Variants in CSMD1 observed in about 807,000 individuals in gnomAD.
CSMD1 encodes the protein CUB and Sushi multiple domains 1, also known as CUB and sushi domain-containing protein 1.
Under a neutral mutation model 417.5 loss-of-function variants are expected in CSMD1, and 213 were observed. The observed-to-expected ratio is 0.51, with a 90% CI of 0.46 to 0.57. The LOEUF (loss-of-function observed/expected upper bound fraction) is 0.57. Among genes scored for constraint, CSMD1 ranks in the 20% least tolerant of loss-of-function variants. The pLI is 0.00. For missense variants in CSMD1, 6,923 were observed against 4,529.7 expected (o/e 1.53, Z -15.17); for synonymous variants, 2,862 against 1,736.8 (o/e 1.65, Z -16.11).
chr8:4,617,791 T>C (rs1216957555), intron 2 of CSMD1, among the ~76,000 whole-genome samples: 1 of 152,114 alleles, frequency 6.6e-6, no homozygotes, highest in Non-Finnish European at 1.5e-5. Flanking sequence ...ATTTGCTTGC[T>C]CATATGTTAA....
At position 4,990,457 on chromosome 8, in the gene CSMD1, G is replaced by A. The variant is rs555442663; in HGVS notation, c.85+3875C>T. Among the ~76,000 whole-genome samples, 5 of 151,998 alleles carry A rather than the reference G, an allele frequency of 3.3e-5. No individual in the cohort carries two copies. In the East Asian group the frequency reaches 9.7e-4, roughly 29 times the overall value. Reference sequence around the variant, plus strand: ...CAGCCTACTGCAACCTCCACCTCCCGGGTTCAAGAGATTCTCCTGCCTCAG... The same window carrying A: ...CAGCCTACTGCAACCTCCACCTCCCAGGTTCAAGAGATTCTCCTGCCTCAG... On this transcript the variant is annotated intron_variant, in intron 1 of 69. Transcript: ENST00000635120.
intron 3 of CSMD1, among the ~76,000 whole-genome samples, chr8:4,298,392 T>A (rs1436981839): frequency 6.6e-6 from 1 of 152,116 alleles, no homozygotes; most frequent in Non-Finnish European, 1.5e-5. Context: ...TTGCTTTGAA[T>A]CCAAGAATAC....
intron 2 of CSMD1, among the ~76,000 whole-genome samples, chr8:4,591,355 C>A (rs750261392): frequency 6.6e-6 from 1 of 152,122 alleles, no homozygotes; most frequent in Non-Finnish European, 1.5e-5. Context: ...CACAGACAAA[C>A]TAGTTGGGCC....
At chr8:3,113,710 A>G (rs1816678635) in intron 42 of CSMD1, among the ~76,000 whole-genome samples, 1 of 152,180 alleles carries the variant, frequency 6.6e-6, no homozygotes, top group African/African-American at 2.4e-5. Flanking sequence ...CACACACACA[A>G]AAGTTATGGG....
intron 3 of CSMD1, among the ~76,000 whole-genome samples, chr8:4,220,544 A>G (rs571597057): frequency 1.9e-4 from 29 of 152,236 alleles, no homozygotes; most frequent in Admixed American, 3.9e-4. Context: ...AGACATTACT[A>G]AACAATTTTA....
chr8:3,910,561 A>T (rs1808398897), intron 5 of CSMD1, among the ~76,000 whole-genome samples: 1 of 152,252 alleles, frequency 6.6e-6, no homozygotes, highest in South Asian at 2.1e-4. Context: ...TAACTTGAGC[A>T]GACAGTATTA....
chr8:3,050,624 T>A (rs777447009), intron 50 of CSMD1, among the ~76,000 whole-genome samples: 43 of 152,156 alleles, frequency 2.8e-4, no homozygotes, highest in Non-Finnish European at 5.3e-4. Flanking sequence ...ATTACTTAAT[T>A]GCAATAAAAT....
In CSMD1 at chr8:4,825,110, C is replaced by T. The variant is rs538514914; in HGVS notation, c.85+169222G>A. 1.4e-4 allele frequency among the ~76,000 whole-genome samples: 22 copies of T among 152,204 alleles called. 1 individual carries two copies. The South Asian group carries it at 4.1e-3, about 29-fold the overall frequency. On this transcript the variant is annotated intron_variant, in intron 1 of 69. Coordinates refer to ENST00000635120, the MANE Select transcript of CSMD1 (RefSeq NM_033225.6). ...CATACATTTATAACTTGATGAACAA[C>T]ACAAATCAAGGTAATTTTAGATTTC...
At chr8:4,040,832 G>C (rs960676545) in intron 3 of CSMD1, among the ~76,000 whole-genome samples, 5 of 152,052 alleles carry the variant, frequency 3.3e-5, no homozygotes, top group Non-Finnish European at 5.9e-5. Flanking sequence ...GACTTTAGCA[G>C]CTCCGGACAA....
Position 3,307,739 on chromosome 8 carries a change from G to T in CSMD1, c.3906C>A (p.Leu1302=). 3 of 1,613,752 alleles carry T rather than the reference G, an allele frequency of 1.9e-6. No homozygotes were observed. Among genetic ancestry groups the T allele is most frequent in the Non-Finnish European group, 2.5e-6 (3 of 1,179,718 alleles). The change falls in exon 25 of 70, where the codon CTC becomes CTA. Residue 1302 remains leucine, a synonymous_variant. Transcript: ENST00000635120. The stretch of plus-strand genomic sequence containing the variant: ...CTGCCTCTATAATCCAGGTGCAGTG[G>T]AGGTTGTTGTCATACGGAGCTGGAT... ...PGYPAPYDNN[L]HCTWIIEADP... is the part of the protein sequence containing the mutation.
chr8:2,988,290 A>G (rs868442381), intron 54 of CSMD1, among the ~76,000 whole-genome samples: 1 of 152,146 alleles, frequency 6.6e-6, no homozygotes, highest in Non-Finnish European at 1.5e-5. Context: ...GCTTATGTAC[A>G]TAAGCATATC....
intron 4 of CSMD1, among the ~76,000 whole-genome samples, chr8:3,999,809 G>C (rs796709404): frequency 6.6e-6 from 1 of 152,266 alleles, no homozygotes; most frequent in South Asian, 2.1e-4. Context: ...TGAGGGATGG[G>C]TGTTCTCATG....
chr8:4,858,033 G>A (rs558588607), intron 1 of CSMD1, among the ~76,000 whole-genome samples: 9 of 152,062 alleles, frequency 5.9e-5, no homozygotes, highest in Non-Finnish European at 1.3e-4. Flanking sequence ...CTGGCAAAAC[G>A]AATGCAGCAG....
chr8:3,835,433 G>T (rs7839103), intron 5 of CSMD1, among the ~76,000 whole-genome samples: 45,147 of 151,578 alleles, frequency 0.3, 6,948 homozygotes, highest in Non-Finnish European at 0.33. Context: ...ATGGATGAAA[G>T]TGGAAACCAT....
At chr8:3,327,061 G>C (rs1446461235) in intron 23 of CSMD1, among the ~76,000 whole-genome samples, 1 of 151,468 alleles carries the variant, frequency 6.6e-6, no homozygotes, top group Non-Finnish European at 1.5e-5. Flanking sequence ...TGGAAAGGTT[G>C]GCAAGGATTC....
intron 5 of CSMD1, among the ~76,000 whole-genome samples, chr8:3,793,176 T>A (rs1218888309): frequency 6.6e-6 from 1 of 152,124 alleles, no homozygotes; most frequent in African/African-American, 2.4e-5. Context: ...GCTGATGGAT[T>A]TTGGCATTTT....
At chr8:3,609,738 TAAAA>T (rs74564741) in intron 8 of CSMD1, among the ~76,000 whole-genome samples, 6 of 142,528 alleles carry the variant, frequency 4.2e-5, no homozygotes, top group African/African-American at 1.5e-4. Flanking sequence ...TATAAGAATT[TAAAA>T]AAAAAAAAAC....
At chr8:4,071,326 G>T (rs1456762062) in intron 3 of CSMD1, among the ~76,000 whole-genome samples, 1 of 151,648 alleles carries the variant, frequency 6.6e-6, no homozygotes, top group Non-Finnish European at 1.5e-5. Flanking sequence ...AATTTCCATT[G>T]GACTAACATC....
At chr8:4,199,401 G>A (rs763716431) in intron 3 of CSMD1, among the ~76,000 whole-genome samples, 17 of 152,118 alleles carry the variant, frequency 1.1e-4, no homozygotes, top group Non-Finnish European at 8.8e-5. Flanking sequence ...TGAAAAGAAT[G>A]GATTTGGTGC....
Sources: gnomAD v4.1 joint callset for allele counts (sites outside exome capture counted in the v4.1 genomes callset) on GRCh38, gnomAD v4.1.1 for gene constraint, MANE v1.5 for transcripts, NCBI Gene and HGNC (gene_info 2026-07-23, HGNC 2026-07-21) for gene names.